NBAS: variants seen among roughly 807,000 people sequenced by gnomAD.
NBAS encodes NBAS subunit of NRZ tethering complex.
Under a neutral mutation model 302.5 loss-of-function variants are expected in NBAS, and 219 were observed. That is an observed-to-expected ratio of 0.72 (90% CI 0.65 to 0.81). The LOEUF (loss-of-function observed/expected upper bound fraction) is 0.81. NBAS is among the 30% of genes least tolerant of loss of function. NBAS has a pLI of 0.00. For synonymous variants in NBAS, 1,118 were observed against 1,021.6 expected, an observed-to-expected ratio of 1.09 and a Z score of -1.80; for missense variants, 2,932 against 2,841.6, an observed-to-expected ratio of 1.03 and a Z score of -0.72.
chr2:15,457,284 A>T (rs571749259), intron 21 of NBAS, among the ~76,000 whole-genome samples: 1 of 152,192 alleles, frequency 6.6e-6, no homozygotes, highest in Non-Finnish European at 1.5e-5. Flanking sequence ...GATTATTAAA[A>T]AGTCATTATT....
chr2:15,426,184 A>C (rs970993175), intron 22 of NBAS, among the ~76,000 whole-genome samples: 2 of 152,218 alleles, frequency 1.3e-5, no homozygotes, highest in African/African-American at 2.4e-5. Context: ...ATTATCCTCC[A>C]AAAGTTTCAA....
At chr2:15,214,706 A>T (rs1666575185) in intron 48 of NBAS, among the ~76,000 whole-genome samples, 1 of 152,232 alleles carries the variant, frequency 6.6e-6, no homozygotes, top group Non-Finnish European at 1.5e-5. Flanking sequence ...ATCTAAATGT[A>T]GCTTGGCATA....
intron 21 of NBAS, among the ~76,000 whole-genome samples, chr2:15,456,556 C>T (rs1679256005): frequency 6.6e-6 from 1 of 152,186 alleles, no homozygotes; most frequent in African/African-American, 2.4e-5. Flanking sequence ...CAAAGTCCTT[C>T]TTTATGGATC....
chr2:15,167,278 C>T lies in NBAS; in HGVS notation c.6886G>A (p.Asp2296Asn), dbSNP rs767589088. 1.9e-6 allele frequency: 3 copies of T among 1,614,202 alleles called. No homozygotes were observed. The highest frequency in any genetic ancestry group is 1.1e-5 in the South Asian group (1 of 91,084). Reference sequence around the variant, plus strand: ...ACACACTTCACCAGCAGCTTGGCATCCAGGAGCAGGGAAAGAAGTTCTTGG... The same window carrying T: ...ACACACTTCACCAGCAGCTTGGCATTCAGGAGCAGGGAAAGAAGTTCTTGG... ...CDQELLSLLL[D>N]AKLLVKCVST... The change falls in exon 52 of 52, where the codon GAT becomes AAT. Residue 2296 changes from aspartate to asparagine, a missense_variant. By Grantham distance (23) the Asp-to-Asn change is conservative. Coordinates refer to ENST00000281513, the MANE Select transcript of NBAS (RefSeq NM_015909.4).
chr2:15,434,053 G>A (rs1287831496), intron 21 of NBAS, among the ~76,000 whole-genome samples: 1 of 152,128 alleles, frequency 6.6e-6, no homozygotes, highest in Non-Finnish European at 1.5e-5. Context: ...CTTGAGCCCA[G>A]GAGATGAAGG....
chr2:15,155,899 C>T, the NBAS span, among the ~76,000 whole-genome samples: 2 of 152,142 alleles, frequency 1.3e-5, no homozygotes, highest in Non-Finnish European at 2.9e-5. Context: ...AACTCATCAC[C>T]GGGTGTTATT....
rs374903835 is a variant in NBAS at position 15,538,402 on chromosome 2, T to C, written c.513+821A>G. 2.9e-4 allele frequency: 123 copies of C among 422,642 alleles called. 2 individuals are homozygous for C. Among genetic ancestry groups the C allele is most frequent in the South Asian group, 2.1e-3 (117 of 55,214 alleles). The allele number at this position is 422,642 out of a possible 1,614,324, so 26.2% of individuals were successfully genotyped here. A position where few individuals can be genotyped will look rare whatever the true frequency, so the allele number is the denominator to read the frequency against. The stretch of plus-strand genomic sequence containing the variant: ...GAAAAAAAAATCATTATCTATATCA[T>C]TGGTTTTCAACCCTAGCTTCTCACT... On this transcript the variant is annotated intron_variant, in intron 7 of 51. Coordinates refer to ENST00000281513, the MANE Select transcript of NBAS (RefSeq NM_015909.4).
chr2:14,888,060 T>A, the NBAS span, among the ~76,000 whole-genome samples: 5 of 152,088 alleles, frequency 3.3e-5, no homozygotes, highest in Admixed American at 6.6e-5. Flanking sequence ...CTTTTCAGGA[T>A]GGTTAATGTA....
At chr2:15,167,368 G>T (rs763111252) in intron 51 of NBAS, 45 bp from the exon 52 acceptor site, 2 of 1,607,856 alleles carry the variant, frequency 1.2e-6, no homozygotes, top group South Asian at 2.2e-5. Flanking sequence ...TGTTTGCTTT[G>T]TTCGCCTCCC....
chr2:14,934,541 T>A, the NBAS span, among the ~76,000 whole-genome samples: 1 of 152,284 alleles, frequency 6.6e-6, no homozygotes, highest in East Asian at 1.9e-4. Context: ...CCCTGTGTTG[T>A]ACAACAGAGA....
At chr2:15,158,350 G>C in the NBAS span, among the ~76,000 whole-genome samples, 1 of 152,196 alleles carries the variant, frequency 6.6e-6, no homozygotes, top group Non-Finnish European at 1.5e-5. Context: ...GCCTGGAAGT[G>C]AGAAAGGTCA....
chr2:15,428,155 G>A (rs918740992), intron 21 of NBAS, among the ~76,000 whole-genome samples: 1 of 152,178 alleles, frequency 6.6e-6, no homozygotes, highest in Non-Finnish European at 1.5e-5. Context: ...GGGCAGAGTA[G>A]TGCTTTCAAC....
At chr2:14,895,704 C>T in the NBAS span, among the ~76,000 whole-genome samples, 1 of 148,626 alleles carries the variant, frequency 6.7e-6, no homozygotes, top group Non-Finnish European at 1.5e-5. Context: ...CGCGCCACCG[C>T]ACTCCAGCCT....
chr2:14,810,880 T>C, the NBAS span, among the ~76,000 whole-genome samples: 2 of 152,070 alleles, frequency 1.3e-5, no homozygotes, highest in Non-Finnish European at 2.9e-5. Flanking sequence ...TAAAAAAAAA[T>C]CCTGTATTTT....
At chr2:15,202,122 G>A (rs1665903478) in intron 48 of NBAS, among the ~76,000 whole-genome samples, 1 of 152,162 alleles carries the variant, frequency 6.6e-6, no homozygotes, top group Non-Finnish European at 1.5e-5. Context: ...AACACCCCTT[G>A]GGATGGGGAG....
intron 14 of NBAS, among the ~76,000 whole-genome samples, chr2:15,475,334 A>G (rs1680143303): frequency 1.3e-5 from 2 of 152,348 alleles, no homozygotes; most frequent in South Asian, 4.1e-4. Flanking sequence ...TAAAAGAATC[A>G]AAAACTTTGT....
At chr2:15,369,702 GAA>G (rs771609623) in intron 31 of NBAS, among the ~76,000 whole-genome samples, 7 of 152,142 alleles carry the variant, frequency 4.6e-5, no homozygotes, top group Non-Finnish European at 1.0e-4. Flanking sequence ...GAATGAACAT[GAA>G]AAAGATAGGC....
intron 24 of NBAS, among the ~76,000 whole-genome samples, chr2:15,416,270 T>A (rs77107427): frequency 0.014 from 2,058 of 152,282 alleles, 33 homozygotes; most frequent in East Asian, 0.059. Context: ...CTCTCCCTTC[T>A]TTTTCCTCTT....
chr2:15,246,805 G>C (rs1251023747), intron 44 of NBAS, among the ~76,000 whole-genome samples: 2 of 152,220 alleles, frequency 1.3e-5, no homozygotes, highest in Non-Finnish European at 2.9e-5. Context: ...GCCTTGGGCT[G>C]AGTGCTGGTG....
Sources: allele counts gnomAD v4.1 joint callset (sites outside exome capture counted in the v4.1 genomes callset), GRCh38; gene constraint gnomAD v4.1.1; transcripts MANE v1.5; gene names NCBI Gene and HGNC (gene_info 2026-07-23, HGNC 2026-07-21).